Variants in NPAT observed in about 807,000 individuals in gnomAD.
NPAT encodes the protein nuclear protein, coactivator of histone transcription.
A neutral mutation model predicts 130.7 loss-of-function variants in NPAT; 52 were observed. That is an observed-to-expected ratio of 0.40 (90% CI 0.32 to 0.50). The LOEUF (loss-of-function observed/expected upper bound fraction) is 0.50. NPAT is among the 20% of genes least tolerant of loss of function. The pLI is 0.68. For synonymous variants in NPAT, 580 were observed against 584.8 expected, an observed-to-expected ratio of 0.99 and a Z score of 0.12; for missense variants, 1,687 against 1,662.6, an observed-to-expected ratio of 1.01 and a Z score of -0.26.
At chr11:108,191,994 C>T (rs2078174375) in intron 4 of NPAT, 124 bp downstream of exon 4, 7 of 759,430 alleles carry the variant, frequency 9.2e-6, no homozygotes, top group Non-Finnish European at 1.7e-5. Flanking sequence ...GTACCAGCAA[C>T]CTCTAGAGTA....
At chr11:108,211,423 G>A (rs2078382660) in intron 1 of NPAT, among the ~76,000 whole-genome samples, 1 of 151,862 alleles carries the variant, frequency 6.6e-6, no homozygotes, top group South Asian at 2.1e-4. Context: ...TGCACCTGTG[G>A]TCCCAGCTAC....
rs556843665 is a variant in NPAT at position 108,192,718 on chromosome 11, G to A, written c.218-528C>T. Among the ~76,000 whole-genome samples the A allele has an allele frequency of 8.9e-4, 136 of 152,324 alleles. 1 individual carries two copies. Among genetic ancestry groups the A allele is most frequent in the African/African-American group, 2.9e-3 (122 of 41,568 alleles). ...CGCCTGTAATCCCAGCACTTTGGGA[G>A]GCTGAGGTGGGCAGATCATGAGGTC... On this transcript the variant is annotated intron_variant, in intron 3 of 17. Coordinates refer to ENST00000278612, the MANE Select transcript of NPAT (RefSeq NM_002519.3).
chr11:108,173,243 CTATTT>C lies in NPAT; in HGVS notation c.1736_1740del (p.Lys579ArgfsTer3). The C allele has an allele frequency of 6.2e-7, 1 of 1,612,772 alleles. No individual in the cohort carries two copies. The highest frequency in any genetic ancestry group is 8.5e-7 in the Non-Finnish European group (1 of 1,179,248). On this transcript the variant is annotated frameshift_variant, in exon 13 of 18. Coordinates refer to ENST00000278612, the MANE Select transcript of NPAT (RefSeq NM_002519.3). LOFTEE classifies it high-confidence loss of function. The stretch of plus-strand genomic sequence containing the variant: ...ATAACTGGTTCTAACACATTAATTT[CTATTT>C]TACTCTTGTGAACTTCACTAGAATC...
intron 10 of NPAT, among the ~76,000 whole-genome samples, chr11:108,183,678 T>C (rs2078077875): frequency 6.6e-6 from 1 of 152,132 alleles, no homozygotes; most frequent in Non-Finnish European, 1.5e-5. Flanking sequence ...GGTGCATGCC[T>C]ATAATCCCAG....
Position 108,172,204 on chromosome 11 carries a change from G to A in NPAT, c.2780C>T (p.Ser927Leu). The A allele has an allele frequency of 1.2e-6, 2 of 1,613,910 alleles. No homozygotes were observed. The highest frequency in any genetic ancestry group is 1.7e-6 in the Non-Finnish European group (2 of 1,179,804). ...AVNQAVSPNF[S>L]QGSAIIIASP... is the part of the protein sequence containing the mutation. ...AATTATGTTATTAAAGTTACCTTGT[G>A]AAAAGTTTGGTGACACAGCTTGGTT... The change falls in exon 13 of 18, where the codon TCA (serine) becomes TTA (leucine). Residue 927 changes from serine to leucine, a missense_variant. Physicochemically the swap from Ser to Leu is moderately radical, Grantham distance 145. Transcript: ENST00000278612.
rs778884656 is a variant in NPAT, at chr11:108,161,476, G to A, written c.3610C>T (p.Leu1204=). ...CCTTGTTTTTTGGTCATTTCTTGCA[G>A]TGAAGCTATAGATTTCTCACTTCGC... ...GLRSEKSIAS[L]QEMTKKQGTS... is the part of the protein sequence containing the mutation. The change falls in exon 17 of 18, where the codon CTG becomes TTG. Residue 1204 remains leucine, a synonymous_variant. Transcript: ENST00000278612. The A allele has an allele frequency of 1.2e-6, 2 of 1,614,192 alleles. No homozygotes were observed. Among genetic ancestry groups the A allele is most frequent in the Admixed American group, 3.3e-5 (2 of 60,022 alleles).
At chr11:108,185,854 TGA>T (rs2078102564) in intron 8 of NPAT, among the ~76,000 whole-genome samples, 1 of 152,208 alleles carries the variant, frequency 6.6e-6, no homozygotes, top group African/African-American at 2.4e-5. Context: ...CTTAGCCTCC[TGA>T]ATAGTAGCTG....
intron 1 of NPAT, among the ~76,000 whole-genome samples, chr11:108,209,885 T>A (rs1591417341): frequency 2.7e-5 from 1 of 36,938 alleles, no homozygotes; most frequent in Non-Finnish European, 4.3e-5. Flanking sequence ...TGAGACTTCA[T>A]CTCAAAAAAA....
At chr11:108,200,820 C>T (rs930872981) in intron 1 of NPAT, among the ~76,000 whole-genome samples, 1 of 152,156 alleles carries the variant, frequency 6.6e-6, no homozygotes, top group Non-Finnish European at 1.5e-5. Context: ...AATCCCTATA[C>T]CCTACTAACT....
chr11:108,203,845 T>A (rs901376284), intron 1 of NPAT, among the ~76,000 whole-genome samples: 1 of 152,242 alleles, frequency 6.6e-6, no homozygotes, highest in African/African-American at 2.4e-5. Flanking sequence ...GCTCCTTATT[T>A]CTGTTATCTT....
intron 1 of NPAT, among the ~76,000 whole-genome samples, chr11:108,199,645 C>G (rs1282589044): frequency 2.0e-5 from 3 of 152,178 alleles, no homozygotes; most frequent in Non-Finnish European, 4.4e-5. Context: ...GACAGGCTTG[C>G]TGGGGAAGAT....
At chr11:108,211,812 T>C (rs764742752) in intron 1 of NPAT, among the ~76,000 whole-genome samples, 37 of 152,160 alleles carry the variant, frequency 2.4e-4, no homozygotes, top group Non-Finnish European at 4.4e-4. Flanking sequence ...TAGCTGGGTA[T>C]GGTGGCATGT....
chr11:108,192,878 C>T (rs1216492581), intron 3 of NPAT, among the ~76,000 whole-genome samples: 5 of 151,996 alleles, frequency 3.3e-5, no homozygotes, highest in Admixed American at 6.5e-5. Flanking sequence ...TGCTTGAACC[C>T]GGGAGACGGA....
chr11:108,162,268 A>C, intron 15 of NPAT, 88 bp from the exon 16 acceptor site: 1 of 1,180,620 alleles, frequency 8.5e-7, no homozygotes, highest in Non-Finnish European at 1.2e-6. Flanking sequence ...ATATCATGAG[A>C]AAAAATTTTA....
rs372160348 is a variant in NPAT, at chr11:108,183,041, T to C, written c.906+2191A>G. ...TGTTGTCCAGGCTGGAGTATAGTGG[T>C]GAAATCAGAGCTCACAGCAGCCTTG... On this transcript the variant is annotated intron_variant, in intron 10 of 17. Transcript: ENST00000278612. 4.0e-4 allele frequency among the ~76,000 whole-genome samples: 61 copies of C among 152,262 alleles called. No individual in the cohort carries two copies. The East Asian group carries it at 9.8e-3, about 25-fold the overall frequency.
Position 108,158,925 on chromosome 11 carries a change from T to G in NPAT, c.*17A>C. On this transcript the variant is annotated 3_prime_UTR_variant, in exon 18 of 18. Coordinates refer to ENST00000278612, the MANE Select transcript of NPAT (RefSeq NM_002519.3). Reference sequence around the variant, plus strand: ...TATGAGTTTTTAACACCTACTGTTCTTATGTGTCCAGAATGTTTACTCATC... The same window carrying G: ...TATGAGTTTTTAACACCTACTGTTCGTATGTGTCCAGAATGTTTACTCATC... 2 of 1,491,926 alleles carry G rather than the reference T, an allele frequency of 1.3e-6. No homozygotes were observed. The highest frequency in any genetic ancestry group is 1.9e-6 in the Non-Finnish European group (2 of 1,071,456). 92.4% of individuals were successfully genotyped at this position (1,491,926 alleles called of 1,614,324 possible).
chr11:108,208,578 A>G, intron 1 of NPAT: 2 of 326,250 alleles, frequency 6.1e-6, no homozygotes, highest in South Asian at 2.1e-5. Flanking sequence ...ACAGGGTGAG[A>G]CCCTGTCTTT....
intron 17 of NPAT, among the ~76,000 whole-genome samples, chr11:108,159,545 T>A (rs765613401): frequency 6.6e-6 from 1 of 152,212 alleles, no homozygotes; most frequent in Non-Finnish European, 1.5e-5. Flanking sequence ...CCCAGACTTG[T>A]AGGGCAACAA....
intron 13 of NPAT, among the ~76,000 whole-genome samples, chr11:108,170,965 C>G (rs1369715314): frequency 6.6e-6 from 1 of 152,008 alleles, no homozygotes; most frequent in African/African-American, 2.4e-5. Flanking sequence ...AAGAGGGAAG[C>G]TTGGGAACCA....
Sources: allele counts gnomAD v4.1 joint callset (sites outside exome capture counted in the v4.1 genomes callset), GRCh38; gene constraint gnomAD v4.1.1; transcripts MANE v1.5; gene names NCBI Gene and HGNC (gene_info 2026-07-23, HGNC 2026-07-21).